NT5C2: variants seen among roughly 807,000 people sequenced by gnomAD.
The protein encoded by NT5C2 is cytosolic purine 5'-nucleotidase.
A neutral mutation model predicts 76.1 loss-of-function variants in NT5C2; 58 were observed. The ratio of observed to expected loss-of-function variants is 0.76; its 90% confidence interval spans 0.62 to 0.95. NT5C2 has a LOEUF of 0.95. NT5C2 is among the 40% of genes least tolerant of loss of function. NT5C2 has a pLI of 0.00. For synonymous variants in NT5C2, 229 were observed against 237.4 expected, an observed-to-expected ratio of 0.96 and a Z score of 0.32; for missense variants, 478 against 690.3, an observed-to-expected ratio of 0.69 and a Z score of 3.45.
intron 14 of NT5C2, chr10:103,093,706 A>G (rs756665716): frequency 8.7e-6 from 4 of 460,320 alleles, no homozygotes; most frequent in Non-Finnish European, 1.2e-5. Flanking sequence ...AGTACCCCCA[A>G]GTGATTCGAA....
chr10:103,177,363 T>C (rs980329217), intron 2 of NT5C2, among the ~76,000 whole-genome samples: 1 of 152,222 alleles, frequency 6.6e-6, no homozygotes, highest in African/African-American at 2.4e-5. Flanking sequence ...TTTTCATCAG[T>C]AAGTAGTTTC....
At chr10:103,132,015 T>C (rs989156684) in intron 4 of NT5C2, among the ~76,000 whole-genome samples, 1 of 150,056 alleles carries the variant, frequency 6.7e-6, no homozygotes, top group Non-Finnish European at 1.5e-5. Context: ...CTGAGGCGGG[T>C]GGATCATCTG....
rs1200014535 is a variant in NT5C2, at chr10:103,188,775, G to C, written c.-169+4461C>G. On this transcript the variant is annotated intron_variant, in intron 1 of 18. Coordinates refer to ENST00000404739, the MANE Select transcript of NT5C2 (RefSeq NM_001351169.2). ...CCAGCACTTCGGGAGGCTGAGGTGG[G>C]CAGGTCACCTGAGGTCAGGAGTTTG... Among the ~76,000 whole-genome samples the C allele has an allele frequency of 2.6e-5, 4 of 152,166 alleles. No individual in the cohort carries two copies. In the East Asian group the frequency reaches 5.8e-4, roughly 22 times the overall value.
chr10:103,120,724 A>G (rs905356435), intron 4 of NT5C2, among the ~76,000 whole-genome samples: 3 of 152,240 alleles, frequency 2.0e-5, no homozygotes, highest in Admixed American at 6.5e-5. Context: ...TATAGAGAAC[A>G]GTTTGGCAGT....
chr10:103,185,683 G>C (rs540864700), intron 1 of NT5C2, among the ~76,000 whole-genome samples: 22 of 146,318 alleles, frequency 1.5e-4, no homozygotes, highest in Admixed American at 6.8e-4. Context: ...AAAAAAAGCA[G>C]GTAAAAAACT....
At chr10:103,183,610 G>A (rs1409197550) in intron 1 of NT5C2, among the ~76,000 whole-genome samples, 1 of 147,470 alleles carries the variant, frequency 6.8e-6, no homozygotes, top group Non-Finnish European at 1.5e-5. Flanking sequence ...CTGCCTCCTG[G>A]GTTCACGCCA....
At position 103,189,003 on chromosome 10, in the gene NT5C2, GA is replaced by G. The variant is rs879784510; in HGVS notation, c.-169+4232del. Among the ~76,000 whole-genome samples, 796 of 143,000 alleles carry G rather than the reference GA, an allele frequency of 5.6e-3. 7 individuals carry two copies. The highest frequency in any genetic ancestry group is 0.011 in the Middle Eastern group (3 of 278). The allele number at this position is 143,000 out of a possible 152,430, so 93.8% of individuals were successfully genotyped here. Reference sequence around the variant, plus strand: ...GGCAACAAAGTGAGACTCCGTCTCGGAAAAAAAAAAAGAGTGTGGGATGAAA... The same window carrying G: ...GGCAACAAAGTGAGACTCCGTCTCGGAAAAAAAAAAGAGTGTGGGATGAAA... On this transcript the variant is annotated intron_variant, in intron 1 of 18. Coordinates refer to ENST00000404739, the MANE Select transcript of NT5C2 (RefSeq NM_001351169.2).
intron 3 of NT5C2, among the ~76,000 whole-genome samples, chr10:103,160,684 A>G (rs946165040): frequency 6.6e-6 from 1 of 152,194 alleles, no homozygotes; most frequent in Non-Finnish European, 1.5e-5. Flanking sequence ...AAAGACCACA[A>G]TGAGATACTA....
At chr10:103,153,357 C>T in intron 3 of NT5C2, 2 of 1,267,776 alleles carry the variant, frequency 1.6e-6, no homozygotes, top group Non-Finnish European at 2.0e-6. Context: ...AAACAAGCTT[C>T]ACTGATCTCT....
chr10:103,143,001 A>AG (rs1242140859), intron 3 of NT5C2, among the ~76,000 whole-genome samples: 5 of 151,840 alleles, frequency 3.3e-5, no homozygotes, highest in Admixed American at 6.6e-5. Flanking sequence ...AAAAAAAAAA[A>AG]AAGAAGAATA....
chr10:103,168,605 T>C (rs1373836441), intron 3 of NT5C2, among the ~76,000 whole-genome samples: 2 of 152,188 alleles, frequency 1.3e-5, no homozygotes, highest in Non-Finnish European at 2.9e-5. Flanking sequence ...GCAAAACACA[T>C]TCCACTGAAA....
chr10:103,178,300 C>T (rs2090397201), intron 2 of NT5C2, among the ~76,000 whole-genome samples: 1 of 152,216 alleles, frequency 6.6e-6, no homozygotes, highest in African/African-American at 2.4e-5. Context: ...ATAATCCCAT[C>T]ACTTTGGGAG....
At chr10:103,139,356 G>GTT (rs1301425858) in intron 4 of NT5C2, 50 bp downstream of exon 4, 1 of 1,261,550 alleles carries the variant, frequency 7.9e-7, no homozygotes, top group Non-Finnish European at 1.1e-6. Flanking sequence ...TGAACCCACT[G>GTT]TGTTATACCC....
At chr10:103,141,708 T>C (rs920236760) in intron 3 of NT5C2, among the ~76,000 whole-genome samples, 14 of 152,178 alleles carry the variant, frequency 9.2e-5, no homozygotes, top group African/African-American at 3.4e-4. Flanking sequence ...AAACAAGTCA[T>C]TTAAAGCCCA....
At chr10:103,165,654 C>G (rs2086200100) in intron 3 of NT5C2, among the ~76,000 whole-genome samples, 1 of 143,664 alleles carries the variant, frequency 7.0e-6, no homozygotes, top group Non-Finnish European at 1.5e-5. Context: ...AGTGATGTCC[C>G]CACCTCAGCC....
chr10:103,089,807 A>AGTG lies in NT5C2; in HGVS notation c.1548_1550dup (p.Thr517dup), dbSNP rs748323510. 1.2e-6 allele frequency: 2 copies of AGTG among 1,614,020 alleles called. No individual in the cohort carries two copies. The highest frequency in any genetic ancestry group is 1.7e-6 in the Non-Finnish European group (2 of 1,180,024). ...GTGTCAGCTGGTGCCGCTTGTAGTCAGTGTCTTTGAAATCCACTGATGTGC... is the reference window on the plus strand; with the variant it reads ...GTGTCAGCTGGTGCCGCTTGTAGTCAGTGGTGTCTTTGAAATCCACTGATGTGC... On this transcript the variant is annotated inframe_insertion, in exon 19 of 19. Transcript: ENST00000404739.
At chr10:103,154,566 T>G (rs186924133) in intron 3 of NT5C2, among the ~76,000 whole-genome samples, 3 of 152,152 alleles carry the variant, frequency 2.0e-5, no homozygotes, top group African/African-American at 7.2e-5. Flanking sequence ...CTTTGGAACT[T>G]TGAATAAGTT....
chr10:103,186,134 G>A (rs946075502), intron 1 of NT5C2, among the ~76,000 whole-genome samples: 2 of 152,136 alleles, frequency 1.3e-5, no homozygotes, highest in Admixed American at 1.3e-4. Context: ...TTAAGAGTAC[G>A]GATTCTGGAG....
intron 4 of NT5C2, among the ~76,000 whole-genome samples, chr10:103,113,575 G>T (rs2073601570): frequency 6.6e-6 from 1 of 151,804 alleles, no homozygotes. Flanking sequence ...CAAACATTTG[G>T]ATACCTACAG....
Sources: allele counts gnomAD v4.1 joint callset (sites outside exome capture counted in the v4.1 genomes callset), GRCh38; gene constraint gnomAD v4.1.1; transcripts MANE v1.5; gene names NCBI Gene and HGNC (gene_info 2026-07-23, HGNC 2026-07-21).